OR3A1: variants seen among roughly 807,000 people sequenced by gnomAD.
OR3A1 encodes the protein olfactory receptor family 3 subfamily A member 1, also known as olfactory receptor 3A1.
For missense variants in OR3A1, 402 were observed against 393.8 expected, an observed-to-expected ratio of 1.02 and a Z score of -0.18; for synonymous variants, 145 against 160.0, an observed-to-expected ratio of 0.91 and a Z score of 0.71.
chr17:3,292,101 G>A lies in OR3A1; in HGVS notation c.482C>T (p.Thr161Ile). ...SWACAFTNAL[T>I]HTVAMSTLNF... is the part of the protein sequence containing the mutation. ...GAGCGTGGACATGGCCACAGTGTGG[G>A]TCAGTGCGTTGGTGAAAGCACAAGC... is the stretch of plus-strand genomic sequence containing the variant. The change falls in exon 2 of 2, where the codon ACC (threonine) becomes ATC (isoleucine). Residue 161 changes from threonine to isoleucine, a missense_variant. Transcript: ENST00000323404. The A allele has an allele frequency of 1.2e-6, 2 of 1,614,208 alleles. No individual in the cohort carries two copies. Among genetic ancestry groups the A allele is most frequent in the Non-Finnish European group, 8.5e-7 (1 of 1,180,044 alleles).
At position 3,291,980 on chromosome 17, in the gene OR3A1, C is replaced by T; in HGVS notation, c.603G>A (p.Leu201=). ...CCATTATAAAACCCACAGCAAAAAG[C>T]AGCAGCTCATTGAGTTGGGTGCTGG... ...SCSSTQLNEL[L]LFAVGFIMAG... The change falls in exon 2 of 2, where the codon CTG becomes CTA. Residue 201 remains leucine (L), a synonymous_variant. Transcript: ENST00000323404. 3 of 1,614,222 alleles carry T rather than the reference C, an allele frequency of 1.9e-6. No individual in the cohort carries two copies. The highest frequency in any genetic ancestry group is 2.5e-6 in the Non-Finnish European group (3 of 1,180,038).
intron 1 of OR3A1, among the ~76,000 whole-genome samples, chr17:3,293,053 T>C (rs924396597): frequency 8.6e-5 from 13 of 151,158 alleles, no homozygotes; most frequent in African/African-American, 2.9e-4. Context: ...ATAAACTAGA[T>C]TGGATGGATT....
chr17:3,292,663 C>A (rs1173879840), intron 1 of OR3A1, 75 bp from the exon 2 acceptor site: 2 of 1,283,072 alleles, frequency 1.6e-6, no homozygotes, highest in African/African-American at 1.5e-5. Flanking sequence ...AGAAACAGAC[C>A]CCCTTCTACT....
Position 3,291,801 on chromosome 17 carries a change from T to G in OR3A1, c.782A>C (p.Asn261Thr). 5 of 1,613,710 alleles carry G rather than the reference T, an allele frequency of 3.1e-6. No homozygotes were observed. Among genetic ancestry groups the G allele is most frequent in the Non-Finnish European group, 4.2e-6 (5 of 1,179,612 alleles). Residue 261 changes from asparagine (N) to threonine (T), a missense_variant, in exon 2 of 2, where the codon AAC (asparagine) becomes ACC (threonine). Coordinates refer to ENST00000323404, the MANE Select transcript of OR3A1 (RefSeq NM_002550.3). ...CTTGGTTGAACCCAGTCGCATATAG[T>G]TAAAGATACCTGAACCATAGAATAT... is the stretch of plus-strand genomic sequence containing the variant. ...VAIFYGSGIF[N>T]YMRLGSTKLS...
chr17:3,291,662 C>T lies in OR3A1; in HGVS notation c.921G>A (p.Met307Ile). Residue 307 changes from methionine to isoleucine, a missense_variant, in exon 2 of 2, where the codon ATG becomes ATA. Coordinates refer to ENST00000323404, the MANE Select transcript of OR3A1 (RefSeq NM_002550.3). Reference protein sequence around the residue: ...NPDVQSAIWRMLTGRRSLA With the variant: ...NPDVQSAIWRILTGRRSLA Reference sequence around the variant, plus strand: ...AAGCCAGTGACCGCCTCCCTGTGAGCATCCTCCAGATGGCACTCTGCACAT... The same window carrying T: ...AAGCCAGTGACCGCCTCCCTGTGAGTATCCTCCAGATGGCACTCTGCACAT... 1 of 1,601,384 alleles carries T rather than the reference C, an allele frequency of 6.2e-7. No individual in the cohort carries two copies. Among genetic ancestry groups the T allele is most frequent in the African/African-American group, 1.3e-5 (1 of 74,796 alleles).
intron 1 of OR3A1, among the ~76,000 whole-genome samples, chr17:3,297,704 C>A (rs894772170): frequency 6.8e-6 from 1 of 147,800 alleles, no homozygotes; most frequent in African/African-American, 2.7e-5. Flanking sequence ...CCTTGTGTCA[C>A]ACTTTGCATA....
At position 3,291,750 on chromosome 17, in the gene OR3A1, C is replaced by A; in HGVS notation, c.833G>T (p.Gly278Val). ...GGGATTGATGACAGTGTTGAAAATT[C>A]CAACAGCTTTATCCTTGTCTGAAAG... Reference protein sequence around the residue: ...TKLSDKDKAVGIFNTVINPML... With the variant: ...TKLSDKDKAVVIFNTVINPML... Residue 278 changes from glycine (G) to valine (V), a missense_variant, in exon 2 of 2, where the codon GGA (glycine) becomes GTA (valine). By Grantham distance (109) the Gly-to-Val change is moderately radical (BLOSUM62 -3). Transcript: ENST00000323404. 6.2e-7 allele frequency: 1 copy of A among 1,613,758 alleles called. No homozygotes were observed. Among genetic ancestry groups the A allele is most frequent in the South Asian group, 1.1e-5 (1 of 91,070 alleles).
intron 1 of OR3A1, among the ~76,000 whole-genome samples, chr17:3,297,850 A>C (rs1329361169): frequency 6.6e-6 from 1 of 152,094 alleles, no homozygotes; most frequent in Admixed American, 6.6e-5. Flanking sequence ...GATGAGCTGG[A>C]GTTTGTGCAA....
At chr17:3,296,670 T>C (rs2048920463) in intron 1 of OR3A1, among the ~76,000 whole-genome samples, 3 of 152,170 alleles carry the variant, frequency 2.0e-5, no homozygotes, top group Non-Finnish European at 2.9e-5. Flanking sequence ...TCTATATTTT[T>C]TGAAAAATTG....
At position 3,292,258 on chromosome 17, in the gene OR3A1, G is replaced by T. The variant is rs542218726; in HGVS notation, c.325C>A (p.Leu109Met). 3.1e-6 allele frequency: 5 copies of T among 1,614,208 alleles called. No individual in the cohort carries two copies. In the South Asian group the frequency reaches 5.5e-5, roughly 18 times the overall value. ...ACLTQLFFFHLFVGVDCFLLT... is the reference protein window; with the variant it reads ...ACLTQLFFFHMFVGVDCFLLT... Reference sequence around the variant, plus strand: ...AGGAAGCAGTCCACTCCAACGAACAGATGGAAGAAGAAGAGCTGGGTAAGG... The same window carrying T: ...AGGAAGCAGTCCACTCCAACGAACATATGGAAGAAGAAGAGCTGGGTAAGG... The change falls in exon 2 of 2, where the codon CTG (leucine) becomes ATG (methionine). Residue 109 changes from leucine (L) to methionine (M), a missense_variant. Coordinates refer to ENST00000323404, the MANE Select transcript of OR3A1 (RefSeq NM_002550.3).
chr17:3,295,040 G>A (rs73977628), intron 1 of OR3A1, among the ~76,000 whole-genome samples: 2,132 of 152,018 alleles, frequency 0.014, 33 homozygotes, highest in African/African-American at 0.048. Flanking sequence ...CTATAAACTG[G>A]TGGTTAATAT....
At chr17:3,295,277 G>A (rs774098322) in intron 1 of OR3A1, among the ~76,000 whole-genome samples, 12 of 151,888 alleles carry the variant, frequency 7.9e-5, no homozygotes, top group Non-Finnish European at 1.6e-4. Flanking sequence ...ACACAAATCA[G>A]TATAAAAGAA....
Position 3,291,807 on chromosome 17 carries a change from A to G in OR3A1, c.776T>C (p.Ile259Thr), listed in dbSNP as rs149475886. The stretch of plus-strand genomic sequence containing the variant: ...TGAACCCAGTCGCATATAGTTAAAG[A>G]TACCTGAACCATAGAATATGGCAAC... ...TVVAIFYGSG[I>T]FNYMRLGSTK... is the part of the protein sequence containing the mutation. Residue 259 changes from isoleucine (I) to threonine (T), a missense_variant, in exon 2 of 2, where the codon ATC becomes ACC. Transcript: ENST00000323404. The G allele has an allele frequency of 4.8e-5, 77 of 1,613,486 alleles. No individual in the cohort carries two copies. The highest frequency in any genetic ancestry group is 5.8e-5 in the Non-Finnish European group (68 of 1,179,472).
At chr17:3,298,208 T>G (rs1316056257) in intron 1 of OR3A1, 75 bp downstream of exon 1, 1 of 152,084 alleles carries the variant, frequency 6.6e-6, no homozygotes, top group Non-Finnish European at 1.5e-5. Flanking sequence ...GAGTCTAGGA[T>G]GAACACTGGT....
intron 1 of OR3A1, among the ~76,000 whole-genome samples, chr17:3,296,229 A>G (rs1250826178): frequency 1.3e-5 from 2 of 152,200 alleles, no homozygotes; most frequent in Non-Finnish European, 2.9e-5. Context: ...AGAAATCCTT[A>G]AGAAACGGTT....
Position 3,292,273 on chromosome 17 carries a change from G to C in OR3A1, c.310C>G (p.Leu104Val). 6.2e-7 allele frequency: 1 copy of C among 1,614,188 alleles called. No homozygotes were observed. Among genetic ancestry groups the C allele is most frequent in the East Asian group, 2.2e-5 (1 of 44,876 alleles). Residue 104 changes from leucine (L) to valine (V), a missense_variant, in exon 2 of 2, where the codon CTC (leucine) becomes GTC (valine). Coordinates refer to ENST00000323404, the MANE Select transcript of OR3A1 (RefSeq NM_002550.3). ...AVPCGACLTQ[L>V]FFFHLFVGVD... ...CCAACGAACAGATGGAAGAAGAAGAGCTGGGTAAGGCAGGCCCCACAGGGA... is the reference window on the plus strand; with the variant it reads ...CCAACGAACAGATGGAAGAAGAAGACCTGGGTAAGGCAGGCCCCACAGGGA...
rs761329981 is a variant in OR3A1, at chr17:3,292,186, G to A, written c.397C>T (p.Leu133Phe). 1.1e-5 allele frequency: 18 copies of A among 1,614,190 alleles called. No individual in the cohort carries two copies. In the Admixed American group the frequency reaches 2.0e-4, roughly 18 times the overall value. The change falls in exon 2 of 2, where the codon CTC becomes TTC. Residue 133 changes from leucine (L) to phenylalanine (F), a missense_variant. Coordinates refer to ENST00000323404, the MANE Select transcript of OR3A1 (RefSeq NM_002550.3). The part of the protein sequence containing the change: ...YDRFLAICRP[L>F]TYSTRMSQTV... ...TGACTCATGCGGGTGCTGTAGGTGAGGGGCCGGCAGATGGCCAGGAATCGG... is the reference window on the plus strand; with the variant it reads ...TGACTCATGCGGGTGCTGTAGGTGAAGGGCCGGCAGATGGCCAGGAATCGG...
intron 1 of OR3A1, among the ~76,000 whole-genome samples, chr17:3,293,767 TATGC>T (rs1314439576): frequency 6.6e-6 from 1 of 152,184 alleles, no homozygotes; most frequent in Non-Finnish European, 1.5e-5. Context: ...CACGGAATAC[TATGC>T]AGCCATGAAA....
chr17:3,297,609 G>A lies in OR3A1; in HGVS notation c.-7+674C>T, dbSNP rs536780976. Among the ~76,000 whole-genome samples, 4 of 151,644 alleles carry A rather than the reference G, an allele frequency of 2.6e-5. No homozygotes were observed. In the South Asian group the frequency reaches 8.3e-4, roughly 31 times the overall value. On this transcript the variant is annotated intron_variant, in intron 1 of 1. Transcript: ENST00000323404. ...CTTAGCTCTGTTAACCTCTCACACG[G>A]ACATTTCTCTATAGAGCACACCTCC...
Sources: allele counts gnomAD v4.1 joint callset (sites outside exome capture counted in the v4.1 genomes callset), GRCh38; gene constraint gnomAD v4.1.1; transcripts MANE v1.5; gene names NCBI Gene and HGNC (gene_info 2026-07-23, HGNC 2026-07-21).